The following NFIL3 variants were observed in gnomAD, a reference collection of about 807,000 sequenced individuals.
The protein encoded by NFIL3 is nuclear factor, interleukin 3 regulated.
NFIL3 carries 5 observed loss-of-function variants against 10.0 expected under a neutral mutation model. That is an observed-to-expected ratio of 0.50 (90% CI 0.26 to 1.06). The LOEUF (loss-of-function observed/expected upper bound fraction) is 1.06. NFIL3 is among the 50% of genes least tolerant of loss of function. The pLI is 0.13. For synonymous variants in NFIL3, 202 were observed against 206.5 expected (o/e 0.98, Z 0.19); for missense variants, 436 against 547.6 (o/e 0.80, Z 2.03).
At chr9:91,447,984 T>A in the NFIL3 span, among the ~76,000 whole-genome samples, 3 of 152,370 alleles carry the variant, frequency 2.0e-5, no homozygotes, top group South Asian at 6.2e-4. Flanking sequence ...AATTAGGCCA[T>A]TGATCCCTTA....
rs771092826 is a variant in NFIL3, at chr9:91,409,757, C to T, written c.978G>A (p.Lys326=). 5.6e-6 allele frequency: 9 copies of T among 1,614,058 alleles called. No homozygotes were observed. In the East Asian group the frequency reaches 1.6e-4, roughly 28 times the overall value. Residue 326 remains lysine, a synonymous_variant, in exon 2 of 2, where the codon AAG becomes AAA. Coordinates refer to ENST00000297689, the MANE Select transcript of NFIL3 (RefSeq NM_005384.3). ...GCATGGCTTTGGCTTTGATCCGGAG[C>T]TTGTGTGGCAAGGCAGAGGAATTCA... The part of the protein sequence containing the change: ...PEVNSSALPH[K]LRIKAKAMQI...
At chr9:91,474,911 C>A in the NFIL3 span, among the ~76,000 whole-genome samples, 1 of 152,296 alleles carries the variant, frequency 6.6e-6, no homozygotes, top group East Asian at 1.9e-4. Flanking sequence ...AGACAAAGTC[C>A]TGCCTATATA....
chr9:91,448,673 A>G, the NFIL3 span, among the ~76,000 whole-genome samples: 46 of 152,264 alleles, frequency 3.0e-4, no homozygotes, highest in Non-Finnish European at 5.9e-4. Flanking sequence ...GGGAAGTGTG[A>G]GTCTTCTAAC....
At chr9:91,431,158 CCA>C in the NFIL3 span, among the ~76,000 whole-genome samples, 1 of 152,162 alleles carries the variant, frequency 6.6e-6, no homozygotes, top group African/African-American at 2.4e-5. Flanking sequence ...GCAAAACCAA[CCA>C]GTACGTTATT....
At chr9:91,469,402 G>C in the NFIL3 span, among the ~76,000 whole-genome samples, 3 of 152,194 alleles carry the variant, frequency 2.0e-5, no homozygotes, top group Admixed American at 6.5e-5. Flanking sequence ...CTTTGCTGAA[G>C]TTGCTTATCA....
chr9:91,430,808 G>C, the NFIL3 span, among the ~76,000 whole-genome samples: 1 of 151,956 alleles, frequency 6.6e-6, no homozygotes, highest in Non-Finnish European at 1.5e-5. Context: ...AACACACCAG[G>C]CTAATTAAAA....
At chr9:91,467,779 A>G in the NFIL3 span, among the ~76,000 whole-genome samples, 1 of 151,688 alleles carries the variant, frequency 6.6e-6, no homozygotes, top group Non-Finnish European at 1.5e-5. Flanking sequence ...GAGTGAGAAC[A>G]TGCGGTGTTT....
the NFIL3 span, among the ~76,000 whole-genome samples, chr9:91,466,492 T>C: frequency 1.3e-5 from 2 of 152,344 alleles, no homozygotes; most frequent in Admixed American, 1.3e-4. Context: ...TGTATGTTTG[T>C]ATAATGTCTT....
chr9:91,424,645 G>A (rs892475432), upstream of NFIL3, among the ~76,000 whole-genome samples: 1 of 152,188 alleles, frequency 6.6e-6, no homozygotes, highest in Non-Finnish European at 1.5e-5. Context: ...GATGACGGCT[G>A]CAAAGTTGTT....
the NFIL3 span, among the ~76,000 whole-genome samples, chr9:91,446,792 TTCTC>T: frequency 4.5e-4 from 66 of 145,664 alleles, no homozygotes; most frequent in East Asian, 1.5e-3. Context: ...CTCCCTCCCT[TTCTC>T]TCTCTCTCTC....
the NFIL3 span, among the ~76,000 whole-genome samples, chr9:91,429,047 A>G: frequency 1.3e-5 from 2 of 152,364 alleles, no homozygotes; most frequent in South Asian, 4.1e-4. Context: ...TAGCAGGGCT[A>G]TGAGTATATG....
the NFIL3 span, among the ~76,000 whole-genome samples, chr9:91,480,526 T>A: frequency 6.6e-6 from 1 of 152,092 alleles, no homozygotes; most frequent in Non-Finnish European, 1.5e-5. Context: ...ACATGCAGAA[T>A]AATATATTCT....
At chr9:91,449,845 T>C in the NFIL3 span, among the ~76,000 whole-genome samples, 1 of 152,136 alleles carries the variant, frequency 6.6e-6, no homozygotes, top group African/African-American at 2.4e-5. Flanking sequence ...TTTTTCTTTG[T>C]TGAGACATTT....
rs372066345 is a variant in NFIL3, at chr9:91,410,672, A to T, written c.63T>A (p.Asn21Lys). ...AATTAAGGACCATCATCTTGTCCACATTGCTACTGGCATCAAGAGACGCCT... is the reference window on the plus strand; with the variant it reads ...AATTAAGGACCATCATCTTGTCCACTTTGCTACTGGCATCAAGAGACGCCT... ...KEQASLDASSNVDKMMVLNSA... is the reference protein window; with the variant it reads ...KEQASLDASSKVDKMMVLNSA... Residue 21 changes from asparagine (N) to lysine (K), a missense_variant, in exon 2 of 2, where the codon AAT becomes AAA. Around this residue, in one of 3 missense-constraint regions of NFIL3, gnomAD observed 76 missense variants for 73.0 expected, o/e 1.04. Coordinates refer to ENST00000297689, the MANE Select transcript of NFIL3 (RefSeq NM_005384.3). This position sits in a 1 kb window ranked among gnomAD's most constrained non-coding sequence, Gnocchi z 5.7. The T allele has an allele frequency of 3.1e-6, 5 of 1,612,190 alleles. No homozygotes were observed. The highest frequency in any genetic ancestry group is 4.2e-6 in the Non-Finnish European group (5 of 1,179,566).
chr9:91,480,095 T>A, the NFIL3 span, among the ~76,000 whole-genome samples: 1 of 151,942 alleles, frequency 6.6e-6, no homozygotes, highest in South Asian at 2.1e-4. Context: ...GCTGTTCCTA[T>A]TTGGCCATCT....
chr9:91,459,030 T>C, the NFIL3 span, among the ~76,000 whole-genome samples: 1 of 152,180 alleles, frequency 6.6e-6, no homozygotes, highest in African/African-American at 2.4e-5. Context: ...TGGTCAGGAC[T>C]AAGTGTTTCG....
upstream of NFIL3, among the ~76,000 whole-genome samples, chr9:91,425,370 A>G (rs1039261709): frequency 1.3e-5 from 2 of 152,148 alleles, no homozygotes; most frequent in Non-Finnish European, 2.9e-5. Context: ...TATTTAAAAA[A>G]TTTTTATCAC....
chr9:91,478,388 T>C, the NFIL3 span, among the ~76,000 whole-genome samples: 15 of 152,184 alleles, frequency 9.9e-5, no homozygotes, highest in African/African-American at 3.6e-4. Context: ...TCTCGCTTTA[T>C]TTCATTAAGT....
chr9:91,444,564 C>G, the NFIL3 span, among the ~76,000 whole-genome samples: 47 of 152,298 alleles, frequency 3.1e-4, no homozygotes, highest in East Asian at 8.7e-3. Flanking sequence ...CTCTCTCAAA[C>G]TTTACACAGT....
Sources: gnomAD v4.1 joint callset for allele counts (sites outside exome capture counted in the v4.1 genomes callset) on GRCh38, gnomAD v4.1.1 for gene constraint, gnomAD v4.1.1 regional missense constraint, Gnocchi (gnomAD v3.1) non-coding constraint, MANE v1.5 for transcripts, NCBI Gene and HGNC (gene_info 2026-07-23, HGNC 2026-07-21) for gene names.